Variants in LARS1 observed in about 807,000 individuals in gnomAD.
LARS1 encodes leucine--tRNA ligase, cytoplasmic.
A neutral mutation model predicts 162.8 loss-of-function variants in LARS1; 100 were observed. That is an observed-to-expected ratio of 0.61 (90% CI 0.52 to 0.73). LARS1 has a LOEUF of 0.73. Among genes scored for constraint, LARS1 ranks in the 30% least tolerant of loss-of-function variants. The pLI is 0.00. For synonymous variants in LARS1, 457 were observed against 462.8 expected, an observed-to-expected ratio of 0.99 and a Z score of 0.16; for missense variants, 1,258 against 1,408.9, an observed-to-expected ratio of 0.89 and a Z score of 1.71.
At chr5:146,133,501 A>G (rs1752379668) in intron 22 of LARS1, among the ~76,000 whole-genome samples, 1 of 152,192 alleles carries the variant, frequency 6.6e-6, no homozygotes, top group Admixed American at 6.5e-5. Context: ...CCTTATGTGT[A>G]CAAATGCATA....
chr5:146,175,162 T>C (rs184272782), intron 2 of LARS1, among the ~76,000 whole-genome samples: 1,687 of 151,572 alleles, frequency 0.011, 25 homozygotes, highest in African/African-American at 0.035. Flanking sequence ...GAGGTTGCAG[T>C]GAGCTGAGAT....
In LARS1 at chr5:146,132,827, G is replaced by C. The variant is rs35869904; in HGVS notation, c.2396+71C>G. On this transcript the variant is annotated intron_variant, in intron 23 of 31. Transcript: ENST00000394434. Reference sequence around the variant, plus strand: ...ATTAAAAAAAAAAAAGAAAAGAAAAGAAAAAGAAAACAAAAATGCACCAGG... The same window carrying C: ...ATTAAAAAAAAAAAAGAAAAGAAAACAAAAAGAAAACAAAAATGCACCAGG... 0.26 allele frequency: 287,445 copies of C among 1,116,380 alleles called. 43,520 individuals carry two copies. The highest frequency in any genetic ancestry group is 0.37 in the Admixed American group (14,174 of 38,100). 69.2% of individuals were successfully genotyped at this position (1,116,380 alleles called of 1,614,324 possible). A position where few individuals can be genotyped will look rare whatever the true frequency, so the allele number is the denominator to read the frequency against.
chr5:146,180,403 G>A (rs1754784453), intron 1 of LARS1, among the ~76,000 whole-genome samples: 2 of 151,880 alleles, frequency 1.3e-5, no homozygotes, highest in Admixed American at 6.6e-5. Flanking sequence ...GCATGGTGGC[G>A]CACACCTGTA....
intron 25 of LARS1, 111 bp from the exon 26 acceptor site, chr5:146,129,229 C>T: frequency 1.1e-6 from 1 of 944,756 alleles, no homozygotes; most frequent in Non-Finnish European, 1.5e-6. Context: ...ATTGTGTGCT[C>T]AGAGTTCAAA....
intron 31 of LARS1, among the ~76,000 whole-genome samples, chr5:146,116,214 G>T (rs957268004): frequency 2.0e-5 from 3 of 152,180 alleles, no homozygotes; most frequent in Admixed American, 6.5e-5. Context: ...TTTTGGGGAA[G>T]AATACAATTA....
chr5:146,178,353 C>T (rs937886829), intron 1 of LARS1, among the ~76,000 whole-genome samples: 2 of 152,108 alleles, frequency 1.3e-5, no homozygotes, highest in African/African-American at 4.8e-5. Flanking sequence ...GTGGCTCACG[C>T]CTGTAATCCC....
intron 27 of LARS1, among the ~76,000 whole-genome samples, chr5:146,127,151 TG>T (rs1198318627): frequency 6.6e-6 from 1 of 152,126 alleles, no homozygotes; most frequent in Non-Finnish European, 1.5e-5. Flanking sequence ...TTCAAAGTTT[TG>T]GGCAACTTGT....
intron 4 of LARS1, among the ~76,000 whole-genome samples, chr5:146,169,782 C>A (rs920491044): frequency 6.6e-6 from 1 of 152,092 alleles, no homozygotes; most frequent in African/African-American, 2.4e-5. Flanking sequence ...CTCCTGACCT[C>A]ATGTGATCCT....
Position 146,181,848 on chromosome 5 carries a change from C to CTTTTTTTTTTTTTTTTTTTTT in LARS1, c.6+619_6+639dup, listed in dbSNP as rs34658033. Among the ~76,000 whole-genome samples, 10 of 53,030 alleles carry CTTTTTTTTTTTTTTTTTTTTT rather than the reference C, an allele frequency of 1.9e-4. 1 individual carries two copies. Among genetic ancestry groups the CTTTTTTTTTTTTTTTTTTTTT allele is most frequent in the Non-Finnish European group, 2.0e-4 (6 of 30,314 alleles). 34.8% of individuals were successfully genotyped at this position (53,030 alleles called of 152,430 possible). On this transcript the variant is annotated intron_variant, in intron 1 of 31. Coordinates refer to ENST00000394434, the MANE Select transcript of LARS1 (RefSeq NM_020117.11). ...TTTACGGAGAGGCGCTCAATTTTTT[C>CTTTTTTTTTTTTTTTTTTTTT]TTTTTTTTTTTTTTTTTTTTTTTTT...
intron 14 of LARS1, among the ~76,000 whole-genome samples, 176 bp from the exon 15 acceptor site, chr5:146,149,875 T>C (rs954756044): frequency 6.6e-6 from 1 of 152,208 alleles, no homozygotes; most frequent in African/African-American, 2.4e-5. Flanking sequence ...ATAACTAATA[T>C]TTATAACACA....
In LARS1 at chr5:146,144,618, A is replaced by T. The variant is rs771266194; in HGVS notation, c.1589+6T>A. 1 of 1,613,834 alleles carries T rather than the reference A, an allele frequency of 6.2e-7. No individual in the cohort carries two copies. The highest frequency in any genetic ancestry group is 8.5e-7 in the Non-Finnish European group (1 of 1,179,934). ...TAGGGGAATTTTCTTGCTATAAGAGACTAACCACTGGTCACACAGAGCCAC... is the reference window on the plus strand; with the variant it reads ...TAGGGGAATTTTCTTGCTATAAGAGTCTAACCACTGGTCACACAGAGCCAC... On this transcript the variant is annotated splice_donor_region_variant and intron_variant, in intron 16 of 31. Coordinates refer to ENST00000394434, the MANE Select transcript of LARS1 (RefSeq NM_020117.11).
chr5:146,175,831 AAAAAAAAACAAAAACAAAAAAAAT>A (rs1470499925), intron 2 of LARS1, among the ~76,000 whole-genome samples: 1 of 151,738 alleles, frequency 6.6e-6, no homozygotes, highest in Admixed American at 6.6e-5. Context: ...CCGTCTCAAA[AAAAAAAAACAAAAACAAAAAAAAT>A]TAAAAGGTAA....
chr5:146,114,358 C>A, intron 31 of LARS1, 47 bp from the exon 32 acceptor site: 6 of 1,478,286 alleles, frequency 4.1e-6, no homozygotes, highest in Non-Finnish European at 5.6e-6. Flanking sequence ...TACAGTCACT[C>A]AAACCCTGGA....
chr5:146,132,914 C>T lies in LARS1; in HGVS notation c.2380G>A (p.Asp794Asn). The T allele has an allele frequency of 6.2e-7, 1 of 1,613,516 alleles. No homozygotes were observed. The highest frequency in any genetic ancestry group is 8.5e-7 in the Non-Finnish European group (1 of 1,179,606). ...LRSGPASTFN[D>N]RVFASELNAG... ...ACAGATTACCTGGCAAAAACTCTAT[C>T]ATTGAAAGTGCTGGCAGGACCACTT... is the stretch of plus-strand genomic sequence containing the variant. Residue 794 changes from aspartate to asparagine, a missense_variant, in exon 23 of 32, where the codon GAT becomes AAT. Asp to Asn is a conservative substitution (Grantham distance 23). Coordinates refer to ENST00000394434, the MANE Select transcript of LARS1 (RefSeq NM_020117.11).
intron 15 of LARS1, among the ~76,000 whole-genome samples, chr5:146,149,237 T>A (rs1753160514): frequency 6.6e-6 from 1 of 152,126 alleles, no homozygotes; most frequent in African/African-American, 2.4e-5. Context: ...TATACAAAGT[T>A]GTCAAAAATA....
chr5:146,144,706 C>T lies in LARS1; in HGVS notation c.1507G>A (p.Asp503Asn), dbSNP rs922082670. ...TCTGGTTCCATGTAAATAAGTGCAT[C>T]TCCCTAAAGGAAGGTAAATAAACAT... ...TIQKKMIDAG[D>N]ALIYMEPEKQ... is the part of the protein sequence containing the mutation. Residue 503 changes from aspartate to asparagine, a missense_variant, in exon 16 of 32, where the codon GAT becomes AAT. Coordinates refer to ENST00000394434, the MANE Select transcript of LARS1 (RefSeq NM_020117.11). 6 of 1,612,740 alleles carry T rather than the reference C, an allele frequency of 3.7e-6. No homozygotes were observed. The African/African-American group carries it at 8.0e-5, about 22-fold the overall frequency.
At chr5:146,164,210 T>C (rs1206479786) in intron 6 of LARS1, 100 bp downstream of exon 6, 16 of 1,227,192 alleles carry the variant, frequency 1.3e-5, no homozygotes, top group Non-Finnish European at 1.7e-5. Context: ...AAATCTTCAA[T>C]TGTAAAAAAA....
chr5:146,131,198 C>T (rs1752264715), intron 23 of LARS1, 89 bp from the exon 24 acceptor site: 1 of 555,036 alleles, frequency 1.8e-6, no homozygotes, highest in East Asian at 3.2e-5. Context: ...ATTTAAAATA[C>T]TGCTTTTTAA....
chr5:146,174,144 T>TAAAAAAAAAAAAAAAAAAA (rs66479730), intron 2 of LARS1, among the ~76,000 whole-genome samples: 1 of 89,136 alleles, frequency 1.1e-5, no homozygotes, highest in Admixed American at 1.6e-4. Context: ...CTTTTTCTCT[T>TAAAAAAAAAAAAAAAAAAA]AAAAAAAAAA....
Sources: allele counts gnomAD v4.1 joint callset (sites outside exome capture counted in the v4.1 genomes callset), GRCh38; gene constraint gnomAD v4.1.1; transcripts MANE v1.5; gene names NCBI Gene and HGNC (gene_info 2026-07-23, HGNC 2026-07-21).